Variants in RBM33 observed in about 807,000 individuals in gnomAD.
RBM33 encodes RNA binding motif protein 33.
In RBM33, 28 loss-of-function variants were observed where a neutral mutation model predicts 132.6. The ratio of observed to expected loss-of-function variants is 0.21; its 90% CI spans 0.16 to 0.29. RBM33 has a LOEUF of 0.29. RBM33 is among the 10% of genes least tolerant of loss of function. The pLI, the probability that RBM33 is intolerant of heterozygous loss-of-function variation, is 1.00. For missense variants in RBM33, 1,291 were observed against 1,518.5 expected, an observed-to-expected ratio of 0.85 and a Z score of 2.49; for synonymous variants, 634 against 593.0, an observed-to-expected ratio of 1.07 and a Z score of -1.01.
Position 155,778,793 on chromosome 7 carries a change from G to A in RBM33, c.*3752G>A, listed in dbSNP as rs1802709391. The A allele has an allele frequency of 6.6e-6, 1 of 152,624 alleles. No individual in the cohort carries two copies. The highest frequency in any genetic ancestry group is 1.5e-5 in the Non-Finnish European group (1 of 68,124). The allele number at this position is 152,624 out of a possible 1,614,324, so 9.5% of individuals were successfully genotyped here. ...TGTTTGTTTTGTTTTGTATTTCTTT[G>A]TTATTTTATTGGGAAGGTAAGCGGA... On this transcript the variant is annotated 3_prime_UTR_variant, in exon 18 of 18. Coordinates refer to ENST00000401878, the MANE Select transcript of RBM33 (RefSeq NM_053043.3). This position sits in a 1 kb window ranked among gnomAD's most constrained non-coding sequence, Gnocchi z 4.0.
At chr7:155,691,402 G>C (rs952549941) in intron 5 of RBM33, among the ~76,000 whole-genome samples, 26 of 152,076 alleles carry the variant, frequency 1.7e-4, no homozygotes, top group African/African-American at 2.7e-4. Flanking sequence ...GCTTCTTTGC[G>C]ATGGGTTCGA....
At chr7:155,674,170 C>T (rs1799110392) in intron 3 of RBM33, among the ~76,000 whole-genome samples, 1 of 151,602 alleles carries the variant, frequency 6.6e-6, no homozygotes, top group African/African-American at 2.4e-5. Flanking sequence ...TGTAAATCCA[C>T]CTGATTTAAT....
At chr7:155,733,840 C>T (rs1437694342) in intron 9 of RBM33, among the ~76,000 whole-genome samples, 1 of 152,200 alleles carries the variant, frequency 6.6e-6, no homozygotes, top group Non-Finnish European at 1.5e-5. Context: ...ACCCACTTCC[C>T]CAACTCTAAC....
At chr7:155,681,036 C>T in intron 5 of RBM33, 128 bp downstream of exon 5, 1 of 717,082 alleles carries the variant, frequency 1.4e-6, no homozygotes, top group Non-Finnish European at 2.3e-6. Context: ...TCACTCTCTG[C>T]CAGTTTCTTT....
Position 155,744,941 on chromosome 7 carries a change from G to A in RBM33, c.2338-20G>A, listed in dbSNP as rs748257366. 46 of 1,535,768 alleles carry A rather than the reference G, an allele frequency of 3.0e-5. No homozygotes were observed. Among genetic ancestry groups the A allele is most frequent in the African/African-American group, 8.3e-5 (6 of 72,004 alleles). On this transcript the variant is annotated intron_variant, in intron 13 of 17. Coordinates refer to ENST00000401878, the MANE Select transcript of RBM33 (RefSeq NM_053043.3). Reference sequence around the variant, plus strand: ...CCTTGCCTGTATAGCAAAGTAAACCGTGTATGTTTTCCATTTTAGTTTCCT... The same window carrying A: ...CCTTGCCTGTATAGCAAAGTAAACCATGTATGTTTTCCATTTTAGTTTCCT...
Position 155,684,043 on chromosome 7 carries a change from G to A in RBM33, c.567+3135G>A, listed in dbSNP as rs148172157. ...TTGTTATTCTGATAGGACGCTAACAGTTTTTTCTGGAAAATAAAATGTGTT... is the reference window on the plus strand; with the variant it reads ...TTGTTATTCTGATAGGACGCTAACAATTTTTTCTGGAAAATAAAATGTGTT... On this transcript the variant is annotated intron_variant, in intron 5 of 17. Transcript: ENST00000401878. 3.9e-3 allele frequency among the ~76,000 whole-genome samples: 593 copies of A among 152,248 alleles called. 7 individuals are homozygous for A. Among genetic ancestry groups the A allele is most frequent in the African/African-American group, 0.013 (560 of 41,548 alleles).
chr7:155,668,805 G>A (rs1462770050), intron 2 of RBM33, among the ~76,000 whole-genome samples: 1 of 152,176 alleles, frequency 6.6e-6, no homozygotes, highest in African/African-American at 2.4e-5. Context: ...AATGTTGGTT[G>A]TGTTGAATCC....
Position 155,730,199 on chromosome 7 carries a change from G to A in RBM33, c.1261-7331G>A, listed in dbSNP as rs1230293454. ...GGACCCGGCAGTTGAAGGGCAGAGA[G>A]AAGTGGAAGTGGATTGGAGACATTC... On this transcript the variant is annotated intron_variant, in intron 9 of 17. Coordinates refer to ENST00000401878, the MANE Select transcript of RBM33 (RefSeq NM_053043.3). Among the ~76,000 whole-genome samples the A allele has an allele frequency of 2.0e-5, 3 of 152,206 alleles. No homozygotes were observed. The East Asian group carries it at 5.8e-4, about 29-fold the overall frequency.
chr7:155,710,221 T>A (rs1800241995), intron 7 of RBM33, among the ~76,000 whole-genome samples: 1 of 152,246 alleles, frequency 6.6e-6, no homozygotes, highest in Admixed American at 6.5e-5. Flanking sequence ...CTACTGCTAA[T>A]TAGCTGTGTC....
intron 5 of RBM33, among the ~76,000 whole-genome samples, chr7:155,688,700 TTG>T (rs1258996766): frequency 6.6e-6 from 1 of 152,228 alleles, no homozygotes; most frequent in Non-Finnish European, 1.5e-5. Context: ...CTGTTAAATT[TTG>T]TTGAAGGCTT....
At position 155,780,254 on chromosome 7, in the gene RBM33, G is replaced by C. The variant is rs1802770752; in HGVS notation, c.*5213G>C. The C allele has an allele frequency of 1.3e-5, 2 of 152,274 alleles. No individual in the cohort carries two copies. Among genetic ancestry groups the C allele is most frequent in the Middle Eastern group, 3.4e-3 (1 of 294 alleles). 9.4% of individuals were successfully genotyped at this position (152,274 alleles called of 1,614,324 possible). On this transcript the variant is annotated 3_prime_UTR_variant, in exon 18 of 18. Coordinates refer to ENST00000401878, the MANE Select transcript of RBM33 (RefSeq NM_053043.3). ...TTCAATAACGCGCGCACAGCACACA[G>C]GGGTGCCCTGAGCCGAAGGAGCAAA...
At chr7:155,728,408 G>C (rs529799415) in intron 9 of RBM33, among the ~76,000 whole-genome samples, 2 of 152,242 alleles carry the variant, frequency 1.3e-5, no homozygotes, top group African/African-American at 4.8e-5. Context: ...CTTGCCTGTA[G>C]CGTGTACATA....
chr7:155,737,996 C>A, intron 10 of RBM33, 64 bp from the exon 11 acceptor site: 3 of 1,395,242 alleles, frequency 2.2e-6, no homozygotes, highest in Non-Finnish European at 3.0e-6. Flanking sequence ...GTGCTTCAGA[C>A]TGCTTTTCTG....
At position 155,741,935 on chromosome 7, in the gene RBM33, C is replaced by T. The variant is rs1801351411; in HGVS notation, c.2166C>T (p.Ser722=). ...CGCCGTCACACGTGATAGAAATGAGCAGCAGCCGCTGCTCTGCCACGCCCT... is the reference window on the plus strand; with the variant it reads ...CGCCGTCACACGTGATAGAAATGAGTAGCAGCCGCTGCTCTGCCACGCCCT... ...PIAPSHVIEM[S]SSRCSATPSA... is the part of the protein sequence containing the mutation. Residue 722 remains serine (S), a synonymous_variant, in exon 13 of 18, where the codon AGC becomes AGT. Transcript: ENST00000401878. The T allele has an allele frequency of 1.2e-6, 2 of 1,614,004 alleles. No individual in the cohort carries two copies. Among genetic ancestry groups the T allele is most frequent in the Non-Finnish European group, 1.7e-6 (2 of 1,179,896 alleles).
In RBM33 at chr7:155,780,389, A is replaced by G. The variant is rs1802776035; in HGVS notation, c.*5348A>G. The G allele has an allele frequency of 6.6e-6, 1 of 152,064 alleles. No individual in the cohort carries two copies. Among genetic ancestry groups the G allele is most frequent in the Admixed American group, 6.5e-5 (1 of 15,276 alleles). The allele number at this position is 152,064 out of a possible 1,614,324, so 9.4% of individuals were successfully genotyped here. The stretch of plus-strand genomic sequence containing the variant: ...TCTGGGGCTTTAATTCCACTGTTTA[A>G]TTTTCAGGTACCACAGCAGCAAAGC... On this transcript the variant is annotated 3_prime_UTR_variant, in exon 18 of 18. Coordinates refer to ENST00000401878, the MANE Select transcript of RBM33 (RefSeq NM_053043.3).
At chr7:155,645,058 CTCCCTCGCCT>C in intron 1 of RBM33, 139 bp downstream of exon 1, 2 of 576,700 alleles carry the variant, frequency 3.5e-6, no homozygotes, top group Non-Finnish European at 5.8e-6. Flanking sequence ...ATTCCGTTTT[CTCCCTCGCCT>C]TCCCTCGCTA....
chr7:155,680,513 C>T, intron 4 of RBM33, 77 bp from the exon 5 acceptor site: 1 of 1,018,210 alleles, frequency 9.8e-7, no homozygotes, highest in South Asian at 1.7e-5. Flanking sequence ...ATCTTTGTAA[C>T]AGCTATTTAT....
chr7:155,659,126 A>G (rs1798572418), intron 1 of RBM33, among the ~76,000 whole-genome samples: 1 of 152,230 alleles, frequency 6.6e-6, no homozygotes, highest in African/African-American at 2.4e-5. Context: ...GGGAAGGAGA[A>G]TCTGGTTTCT....
At chr7:155,675,760 T>C (rs1022205030) in intron 3 of RBM33, among the ~76,000 whole-genome samples, 15 of 152,246 alleles carry the variant, frequency 9.9e-5, no homozygotes, top group Admixed American at 9.8e-4. Context: ...AGAGGAATTC[T>C]GGCCTGAGGG....
Sources: gnomAD v4.1 joint callset for allele counts (sites outside exome capture counted in the v4.1 genomes callset) on GRCh38, gnomAD v4.1.1 for gene constraint, Gnocchi (gnomAD v3.1) non-coding constraint, MANE v1.5 for transcripts, NCBI Gene and HGNC (gene_info 2026-07-23, HGNC 2026-07-21) for gene names.